Variants in ITPR3 observed in about 807,000 individuals in gnomAD.
ITPR3 encodes inositol 1,4,5-trisphosphate receptor type 3.
In ITPR3, 173 loss-of-function variants were observed where a neutral mutation model predicts 293.2. The ratio of observed to expected loss-of-function variants is 0.59; its 90% CI spans 0.52 to 0.67. The LOEUF (loss-of-function observed/expected upper bound fraction) is 0.67, where lower values mean the gene tolerates loss of function less well. Among genes scored for constraint, ITPR3 ranks in the 30% least tolerant of loss-of-function variants. The pLI, the probability that ITPR3 is intolerant of heterozygous loss-of-function variation, is 0.00. For synonymous variants in ITPR3, 1,295 were observed against 1,444.4 expected, an observed-to-expected ratio of 0.90 and a Z score of 2.35; for missense variants, 2,796 against 3,592.1, an observed-to-expected ratio of 0.78 and a Z score of 5.66.
At position 33,685,508 on chromosome 6, in the gene ITPR3, C is replaced by A; in HGVS notation, c.5457C>A (p.Arg1819=). The A allele has an allele frequency of 1.2e-6, 2 of 1,610,630 alleles. No individual in the cohort carries two copies. The highest frequency in any genetic ancestry group is 1.7e-6 in the Non-Finnish European group (2 of 1,179,010). ...NDLGSQPHED[R]EPVDPTTKGR... The stretch of plus-strand genomic sequence containing the variant: ...TGGGCAGCCAGCCACATGAGGACCG[C>A]GAGCCAGTCGACCCCACCACCAAAG... The change falls in exon 40 of 58, where the codon CGC becomes CGA. Residue 1819 remains arginine (R), a synonymous_variant. Coordinates refer to ENST00000605930, the MANE Select transcript of ITPR3 (RefSeq NM_002224.4).
Position 33,688,410 on chromosome 6 carries a change from G to T in ITPR3, c.6547G>T (p.Glu2183Ter). The T allele has an allele frequency of 6.3e-7, 1 of 1,598,450 alleles. No homozygotes were observed. Among genetic ancestry groups the T allele is most frequent in the Non-Finnish European group, 8.5e-7 (1 of 1,175,588 alleles). Residue 2183 changes from glutamate (E) to a stop codon, truncating the protein, a stop_gained, in exon 48 of 58, where the codon GAG (glutamate) becomes TAG (stop). Transcript: ENST00000605930. LOFTEE classifies it high-confidence loss of function. ...GTCCTCCTTCCTGCACAACGAGATG[G>T]AGTGGCAGCGCAAGCTCCGCAGTGA... ...DQSSFLHNEMEWQRKLRSMPL... is the reference protein window; with the variant it reads ...DQSSFLHNEM
intron 2 of ITPR3, among the ~76,000 whole-genome samples, chr6:33,647,989 C>T (rs950323951): frequency 6.6e-6 from 1 of 152,104 alleles, no homozygotes; most frequent in Non-Finnish European, 1.5e-5. Context: ...GAAAGCAACC[C>T]CTTTTAACTC....
At position 33,662,777 on chromosome 6, in the gene ITPR3, C is replaced by CT. The variant is rs911047742; in HGVS notation, c.858+104dup. The CT allele has an allele frequency of 9.3e-6, 14 of 1,510,422 alleles. No homozygotes were observed. The African/African-American group carries it at 1.5e-4, about 16-fold the overall frequency. The allele number at this position is 1,510,422 out of a possible 1,614,324, so 93.6% of individuals were successfully genotyped here. On this transcript the variant is annotated intron_variant, in intron 8 of 57. Transcript: ENST00000605930. Reference sequence around the variant, plus strand: ...GTGGGATATTGACCCCTACCTCCCTCTGAGTCCCTCCAGAGTCAAAAGGCC... The same window carrying CT: ...GTGGGATATTGACCCCTACCTCCCTCTTGAGTCCCTCCAGAGTCAAAAGGCC...
intron 1 of ITPR3, among the ~76,000 whole-genome samples, chr6:33,623,002 C>T (rs1347173495): frequency 1.3e-5 from 2 of 152,200 alleles, no homozygotes; most frequent in Non-Finnish European, 2.9e-5. Context: ...TCCACTAGAT[C>T]TAACTTCTTC....
In ITPR3 at chr6:33,632,359, T is replaced by C. The variant is rs1234502658; in HGVS notation, c.90-8125T>C. On this transcript the variant is annotated intron_variant, in intron 1 of 57. Coordinates refer to ENST00000605930, the MANE Select transcript of ITPR3 (RefSeq NM_002224.4). The surrounding 1 kb of genome is among the most constrained non-coding windows in gnomAD (Gnocchi z 4.1). Reference sequence around the variant, plus strand: ...GGTGGTAGGTTTTGAGTCAGGCTCCTTGATAGTCACCTGCCCCACTTCTAT... The same window carrying C: ...GGTGGTAGGTTTTGAGTCAGGCTCCCTGATAGTCACCTGCCCCACTTCTAT... Among the ~76,000 whole-genome samples, 1 of 152,202 alleles carries C rather than the reference T, an allele frequency of 6.6e-6. No homozygotes were observed. The highest frequency in any genetic ancestry group is 1.5e-5 in the Non-Finnish European group (1 of 68,024).
At position 33,633,852 on chromosome 6, in the gene ITPR3, C is replaced by G. The variant is rs1312095045; in HGVS notation, c.90-6632C>G. ...GGGGCGGGCGCGGGGCGGGGCCGGGCCGGGCCGGGGCGGGGCCAGGGAGGC... is the reference window on the plus strand; with the variant it reads ...GGGGCGGGCGCGGGGCGGGGCCGGGGCGGGCCGGGGCGGGGCCAGGGAGGC... On this transcript the variant is annotated intron_variant, in intron 1 of 57. Transcript: ENST00000605930. This position sits in a 1 kb window ranked among gnomAD's most constrained non-coding sequence, Gnocchi z 5.2. Among the ~76,000 whole-genome samples, 5 of 144,606 alleles carry G rather than the reference C, an allele frequency of 3.5e-5. No individual in the cohort carries two copies. The highest frequency in any genetic ancestry group is 1.0e-4 in the African/African-American group (4 of 40,016). 94.9% of individuals were successfully genotyped at this position (144,606 alleles called of 152,430 possible).
At position 33,668,495 on chromosome 6, in the gene ITPR3, G is replaced by T. The variant is rs373881467; in HGVS notation, c.1887-20G>T. The T allele has an allele frequency of 2.5e-6, 4 of 1,613,878 alleles. No individual in the cohort carries two copies. The highest frequency in any genetic ancestry group is 3.4e-6 in the Non-Finnish European group (4 of 1,179,936). ...CAGCCTCTGAGACCCTCTTCCCACCGCTGGCTGTCACCACCCCAGGTTCCT... is the reference window on the plus strand; with the variant it reads ...CAGCCTCTGAGACCCTCTTCCCACCTCTGGCTGTCACCACCCCAGGTTCCT... On this transcript the variant is annotated intron_variant, in intron 16 of 57. Coordinates refer to ENST00000605930, the MANE Select transcript of ITPR3 (RefSeq NM_002224.4).
At position 33,667,999 on chromosome 6, in the gene ITPR3, T is replaced by A. The variant is rs373225092; in HGVS notation, c.1886+35T>A. Reference sequence around the variant, plus strand: ...AACCCCCTCCCCGGCCGGCGCCTGCTCCTCCCTCCTCCCTTGCCTGGGTAG... The same window carrying A: ...AACCCCCTCCCCGGCCGGCGCCTGCACCTCCCTCCTCCCTTGCCTGGGTAG... On this transcript the variant is annotated intron_variant, in intron 16 of 57. Transcript: ENST00000605930. This position sits in a 1 kb window ranked among gnomAD's most constrained non-coding sequence, Gnocchi z 4.4. The A allele has an allele frequency of 2.2e-5, 36 of 1,606,984 alleles. No individual in the cohort carries two copies. In the African/African-American group the frequency reaches 4.0e-4, roughly 18 times the overall value.
chr6:33,639,803 G>A (rs755279862), intron 1 of ITPR3, among the ~76,000 whole-genome samples: 8 of 152,058 alleles, frequency 5.3e-5, no homozygotes, highest in African/African-American at 1.2e-4. Context: ...GTGGATAGAT[G>A]GATGGGTAAA....
chr6:33,633,919 C>T lies in ITPR3; in HGVS notation c.90-6565C>T, dbSNP rs895908378. 6.6e-6 allele frequency among the ~76,000 whole-genome samples: 1 copy of T among 151,700 alleles called. No individual in the cohort carries two copies. Among genetic ancestry groups the T allele is most frequent in the Non-Finnish European group, 1.5e-5 (1 of 67,874 alleles). The stretch of plus-strand genomic sequence containing the variant: ...GGAGCCGCGCGGACCCAGAACCGCT[C>T]CCACCACGCAGCGATGGGGAGGTCG... On this transcript the variant is annotated intron_variant, in intron 1 of 57. Transcript: ENST00000605930. This position sits in a 1 kb window ranked among gnomAD's most constrained non-coding sequence, Gnocchi z 5.2.
In ITPR3 at chr6:33,655,949, A is replaced by C; in HGVS notation, c.282+62A>C. ...GTACCAGGAACCTGGGTACACAAGC[A>C]GCGGTGCTGCTTGTCGGAGCCAGTA... On this transcript the variant is annotated intron_variant, in intron 3 of 57. Coordinates refer to ENST00000605930, the MANE Select transcript of ITPR3 (RefSeq NM_002224.4). The surrounding 1 kb of genome is among the most constrained non-coding windows in gnomAD (Gnocchi z 4.9). 6.2e-7 allele frequency: 1 copy of C among 1,603,850 alleles called. No individual in the cohort carries two copies. The highest frequency in any genetic ancestry group is 8.5e-7 in the Non-Finnish European group (1 of 1,173,254).
rs3831117 is a variant in ITPR3, at chr6:33,687,592, G to GGGGT, written c.6264+32_6264+35dup. ...GGGTGCTGGCCCCGAGACTGGGGTG[G>GGGGT]GGGTGGGGCCTGGAACCCAGGGAGG... On this transcript the variant is annotated intron_variant, in intron 46 of 57. Coordinates refer to ENST00000605930, the MANE Select transcript of ITPR3 (RefSeq NM_002224.4). This position sits in a 1 kb window ranked among gnomAD's most constrained non-coding sequence, Gnocchi z 5.3. The GGGGT allele has an allele frequency of 0.079, 119,665 of 1,518,030 alleles. 10,378 individuals are homozygous for GGGGT. The highest frequency in any genetic ancestry group is 0.14 in the Admixed American group (8,154 of 56,800). 94.0% of individuals were successfully genotyped at this position (1,518,030 alleles called of 1,614,324 possible).
In ITPR3 at chr6:33,653,278, C is replaced by CATTT. The variant is rs370927791; in HGVS notation, c.161-2488_161-2487insATTT. Among the ~76,000 whole-genome samples, 7 of 132,066 alleles carry CATTT rather than the reference C, an allele frequency of 5.3e-5. 1 individual carries two copies. Among genetic ancestry groups the CATTT allele is most frequent in the Non-Finnish European group, 4.8e-5 (3 of 62,612 alleles). The allele number at this position is 132,066 out of a possible 152,430, so 86.6% of individuals were successfully genotyped here. A position where few individuals can be genotyped will look rare whatever the true frequency, so the allele number is the denominator to read the frequency against. On this transcript the variant is annotated intron_variant, in intron 2 of 57. Transcript: ENST00000605930. Reference sequence around the variant, plus strand: ...CTGCCTGTTGATAATTTTTTATTAACTTTTTTTTTTTTTTTTTGTAAAGAC... The same window carrying CATTT: ...CTGCCTGTTGATAATTTTTTATTAACATTTTTTTTTTTTTTTTTTTTGTAAAGAC...
At chr6:33,676,208 G>C (rs1422607707) in intron 25 of ITPR3, among the ~76,000 whole-genome samples, 1 of 152,232 alleles carries the variant, frequency 6.6e-6, no homozygotes, top group Non-Finnish European at 1.5e-5. Flanking sequence ...ATACCAGTCG[G>C]CGTTGGCCTT....
chr6:33,639,307 G>C (rs1006685338), intron 1 of ITPR3, among the ~76,000 whole-genome samples: 1 of 151,550 alleles, frequency 6.6e-6, no homozygotes, highest in African/African-American at 2.4e-5. Context: ...TGAACCCGGG[G>C]GGCAGAGGTT....
chr6:33,690,952 C>G lies in ITPR3; in HGVS notation c.7068C>G (p.Phe2356Leu), dbSNP rs746083317. Residue 2356 changes from phenylalanine (F) to leucine (L), a missense_variant, in exon 52 of 58, where the codon TTC (phenylalanine) becomes TTG (leucine). Physicochemically the swap from Phe to Leu is conservative, Grantham distance 22 (BLOSUM62 0). Transcript: ENST00000605930. ...TCATCTACCGCGAGGAGACGCTGTT[C>G]AACGTCATCAAGAGTGTGACCCGCA... ...FDLIYREETL[F>L]NVIKSVTRNG... is the part of the protein sequence containing the mutation. 4 of 1,614,082 alleles carry G rather than the reference C, an allele frequency of 2.5e-6. No homozygotes were observed. Among genetic ancestry groups the G allele is most frequent in the Non-Finnish European group, 2.5e-6 (3 of 1,180,036 alleles).
intron 57 of ITPR3, chr6:33,695,384 A>G (rs1445383809): frequency 1.3e-5 from 7 of 557,326 alleles, no homozygotes; most frequent in Non-Finnish European, 1.6e-5. Context: ...GGGGATCCCC[A>G]TCACTGGAGA....
At chr6:33,686,276 G>A in intron 42 of ITPR3, 23 bp downstream of exon 42, 2 of 1,610,014 alleles carry the variant, frequency 1.2e-6, no homozygotes, top group Non-Finnish European at 1.7e-6. Flanking sequence ...GGTGGCATAA[G>A]TGGCAGCCAG....
intron 1 of ITPR3, among the ~76,000 whole-genome samples, chr6:33,636,718 G>C (rs1309181799): frequency 6.6e-6 from 1 of 151,976 alleles, no homozygotes; most frequent in Non-Finnish European, 1.5e-5. Context: ...CAGAGATGCC[G>C]AGTAGGCAGT....
Sources: gnomAD v4.1 joint callset for allele counts (sites outside exome capture counted in the v4.1 genomes callset) on GRCh38, gnomAD v4.1.1 for gene constraint, Gnocchi (gnomAD v3.1) non-coding constraint, MANE v1.5 for transcripts, NCBI Gene and HGNC (gene_info 2026-07-23, HGNC 2026-07-21) for gene names.